The following RALGAPA1 variants were observed in gnomAD, a reference collection of about 807,000 sequenced individuals.
RALGAPA1 encodes the protein ral GTPase-activating protein subunit alpha-1.
RALGAPA1 carries 52 observed loss-of-function variants against 269.6 expected under a neutral mutation model. The observed-to-expected ratio is 0.19, with a 90% confidence interval of 0.15 to 0.24. The LOEUF (loss-of-function observed/expected upper bound fraction) is 0.24, where lower values mean the gene tolerates loss of function less well. Ranked by LOEUF, RALGAPA1 falls within the 10% of genes least tolerant of loss-of-function variation. The pLI, the probability that RALGAPA1 is intolerant of heterozygous loss-of-function variation, is 1.00. For missense variants in RALGAPA1, 1,917 were observed against 3,013.9 expected, an observed-to-expected ratio of 0.64 and a Z score of 8.52; for synonymous variants, 817 against 1,008.3, an observed-to-expected ratio of 0.81 and a Z score of 3.60.
At chr14:35,792,841 A>AAGAT (rs1466376875) in intron 1 of RALGAPA1, among the ~76,000 whole-genome samples, 5 of 138,958 alleles carry the variant, frequency 3.6e-5, no homozygotes, top group African/African-American at 1.1e-4. Flanking sequence ...GAAAGAAAGA[A>AAGAT]AGATAGATTG....
intron 40 of RALGAPA1, among the ~76,000 whole-genome samples, 174 bp from the exon 41 acceptor site, chr14:35,548,712 T>C (rs939174277): frequency 1.2e-4 from 19 of 152,150 alleles, no homozygotes; most frequent in Non-Finnish European, 2.1e-4. Flanking sequence ...TACTTCTAAA[T>C]CTAGACCAGT....
At chr14:35,645,004 T>C (rs1286396306) in intron 31 of RALGAPA1, among the ~76,000 whole-genome samples, 2 of 152,220 alleles carry the variant, frequency 1.3e-5, no homozygotes, top group African/African-American at 4.8e-5. Flanking sequence ...TGTGCTGGCA[T>C]TACAAATACT....
chr14:35,691,086 A>T lies in RALGAPA1; in HGVS notation c.2408-1083T>A, dbSNP rs192036255. On this transcript the variant is annotated intron_variant, in intron 17 of 41. Coordinates refer to ENST00000680220, the MANE Select transcript of RALGAPA1 (RefSeq NM_001346249.2). ...CTCCGTCTCAAATAATAATAATAATAATAATTATTATTATTATTATAGATG... is the reference window on the plus strand; with the variant it reads ...CTCCGTCTCAAATAATAATAATAATTATAATTATTATTATTATTATAGATG... Among the ~76,000 whole-genome samples the T allele has an allele frequency of 3.0e-3, 452 of 149,058 alleles. 8 individuals carry two copies. The highest frequency in any genetic ancestry group is 2.4e-3 in the East Asian group (12 of 5,076).
chr14:35,681,832 G>A (rs80306610), intron 21 of RALGAPA1, among the ~76,000 whole-genome samples: 1,634 of 152,162 alleles, frequency 0.011, 33 homozygotes, highest in African/African-American at 0.038. Context: ...CCAAGTAAGT[G>A]GTGATTTACT....
At chr14:35,784,770 G>A (rs1477531542) in intron 1 of RALGAPA1, among the ~76,000 whole-genome samples, 2 of 152,134 alleles carry the variant, frequency 1.3e-5, no homozygotes, top group Non-Finnish European at 2.9e-5. Context: ...TGCAAGCAAA[G>A]CATTACCTTC....
chr14:35,651,267 A>G (rs140723404), intron 31 of RALGAPA1, among the ~76,000 whole-genome samples: 3,315 of 152,212 alleles, frequency 0.022, 119 homozygotes, highest in African/African-American at 0.075. Context: ...AATTTCAGAT[A>G]AGATATGGAA....
Position 35,698,254 on chromosome 14 carries a change from T to A in RALGAPA1, c.2407+1908A>T, listed in dbSNP as rs2067050991. The stretch of plus-strand genomic sequence containing the variant: ...ATAAAATCATTAAAAAGGTAAACTT[T>A]CTGAATTATGTATTTACAGCAAAGC... On this transcript the variant is annotated intron_variant, in intron 17 of 41. Coordinates refer to ENST00000680220, the MANE Select transcript of RALGAPA1 (RefSeq NM_001346249.2). Among the ~76,000 whole-genome samples, 4 of 152,194 alleles carry A rather than the reference T, an allele frequency of 2.6e-5. No individual in the cohort carries two copies. In the South Asian group the frequency reaches 8.3e-4, roughly 32 times the overall value.
rs74042821 is a variant in RALGAPA1, at chr14:35,748,848, A to G, written c.1012-24T>C. 5,236 of 1,541,770 alleles carry G rather than the reference A, an allele frequency of 3.4e-3. 7 individuals are homozygous for G. The highest frequency in any genetic ancestry group is 7.8e-3 in the Middle Eastern group (38 of 4,870). On this transcript the variant is annotated intron_variant, in intron 9 of 41. Transcript: ENST00000680220. ...CTCTAAAATACAAAAAAAAAAAAAA[A>G]AGAGAGAAACAATATCATAATCATT...
At chr14:35,761,371 T>C (rs938462807) in intron 5 of RALGAPA1, among the ~76,000 whole-genome samples, 1 of 152,156 alleles carries the variant, frequency 6.6e-6, no homozygotes, top group African/African-American at 2.4e-5. Context: ...GCAATGACTG[T>C]TAGTGGTGAG....
At chr14:35,779,433 G>A (rs1290323816) in intron 1 of RALGAPA1, among the ~76,000 whole-genome samples, 1 of 151,930 alleles carries the variant, frequency 6.6e-6, no homozygotes, top group Non-Finnish European at 1.5e-5. Context: ...CTAAGGTGAG[G>A]GAATCCCTTG....
chr14:35,730,630 C>A (rs1439094846), intron 12 of RALGAPA1, among the ~76,000 whole-genome samples: 2 of 149,092 alleles, frequency 1.3e-5, no homozygotes, highest in Non-Finnish European at 3.0e-5. Flanking sequence ...AGTTCCCTGA[C>A]AACCTGCATA....
intron 41 of RALGAPA1, among the ~76,000 whole-genome samples, chr14:35,548,141 G>A (rs1349345945): frequency 6.6e-6 from 1 of 151,928 alleles, no homozygotes; most frequent in Non-Finnish European, 1.5e-5. Flanking sequence ...CATTTGATGA[G>A]TTAGGATATC....
intron 28 of RALGAPA1, among the ~76,000 whole-genome samples, chr14:35,658,187 G>A (rs572894007): frequency 4.7e-4 from 72 of 152,096 alleles, no homozygotes; most frequent in Non-Finnish European, 8.4e-4. Context: ...TGGGATTAGC[G>A]TAAAAGAACA....
intron 26 of RALGAPA1, among the ~76,000 whole-genome samples, chr14:35,670,152 C>G (rs1400750233): frequency 2.0e-5 from 3 of 152,132 alleles, no homozygotes; most frequent in Non-Finnish European, 4.4e-5. Context: ...CTGACATGTC[C>G]CTTGAGTATA....
intron 35 of RALGAPA1, among the ~76,000 whole-genome samples, chr14:35,612,644 C>T (rs900585071): frequency 9.2e-5 from 14 of 151,554 alleles, no homozygotes; most frequent in South Asian, 4.2e-4. Context: ...GTTCATGCCA[C>T]TCTCCTGCCT....
rs774432624 is a variant in RALGAPA1, at chr14:35,677,998, G to A, written c.4576C>T (p.Leu1526Phe). 1.9e-6 allele frequency: 3 copies of A among 1,613,730 alleles called. No individual in the cohort carries two copies. Among genetic ancestry groups the A allele is most frequent in the South Asian group, 1.1e-5 (1 of 90,972 alleles). ...IDHMEQKDLQLDEKLHHSVLQ... is the reference protein window; with the variant it reads ...IDHMEQKDLQFDEKLHHSVLQ... Reference sequence around the variant, plus strand: ...ACAGAGTGGTGGAGCTTCTCGTCGAGCTGCAGATCCTTCTGTTCCATGTGA... The same window carrying A: ...ACAGAGTGGTGGAGCTTCTCGTCGAACTGCAGATCCTTCTGTTCCATGTGA... The change falls in exon 22 of 42, where the codon CTC (leucine) becomes TTC (phenylalanine). Residue 1526 changes from leucine to phenylalanine, a missense_variant. Leu to Phe is a conservative substitution (Grantham distance 22). Coordinates refer to ENST00000680220, the MANE Select transcript of RALGAPA1 (RefSeq NM_001346249.2).
At chr14:35,623,323 T>A (rs556995335) in intron 35 of RALGAPA1, among the ~76,000 whole-genome samples, 217 of 151,504 alleles carry the variant, frequency 1.4e-3, no homozygotes, top group African/African-American at 4.8e-3. Flanking sequence ...TCTCTCTCTC[T>A]CACACACACA....
intron 17 of RALGAPA1, among the ~76,000 whole-genome samples, chr14:35,698,768 A>G (rs1157678510): frequency 6.6e-6 from 1 of 152,184 alleles, no homozygotes; most frequent in African/African-American, 2.4e-5. Flanking sequence ...AAGAACAGAA[A>G]CATTGTTTGC....
In RALGAPA1 at chr14:35,808,811, C is replaced by T. The variant is rs1319842849; in HGVS notation, c.25G>A (p.Asp9Asn). 1 of 1,611,830 alleles carries T rather than the reference C, an allele frequency of 6.2e-7. No homozygotes were observed. The highest frequency in any genetic ancestry group is 8.5e-7 in the Non-Finnish European group (1 of 1,179,472). Residue 9 changes from aspartate (D) to asparagine (N), a missense_variant, in exon 1 of 42, where the codon GAC becomes AAC. Asp to Asn is a conservative substitution (Grantham distance 23, BLOSUM62 1). Around this residue, in one of 11 missense-constraint regions of RALGAPA1, gnomAD observed 462 missense variants for 725.6 expected, o/e 0.64. Transcript: ENST00000680220. MFSKKPHGDVKKSTQKVLD... is the reference protein window; with the variant it reads MFSKKPHGNVKKSTQKVLD... ...ACCTTCTGGGTGGACTTCTTCACGT[C>T]CCCGTGCGGCTTCTTGGAGAACATC... is the stretch of plus-strand genomic sequence containing the variant.
Sources: allele counts gnomAD v4.1 joint callset (sites outside exome capture counted in the v4.1 genomes callset), GRCh38; gene constraint gnomAD v4.1.1; regional missense constraint gnomAD v4.1.1; transcripts MANE v1.5; gene names NCBI Gene and HGNC (gene_info 2026-07-23, HGNC 2026-07-21).